NELL1: variants seen among roughly 807,000 people sequenced by gnomAD.
NELL1 encodes the protein protein kinase C-binding protein NELL1.
Under a neutral mutation model 107.4 loss-of-function variants are expected in NELL1, and 76 were observed. The observed-to-expected ratio is 0.71, with a 90% CI of 0.59 to 0.86. NELL1 has a LOEUF of 0.86. Ranked by LOEUF, NELL1 falls within the 40% of genes least tolerant of loss-of-function variation. The pLI, the probability that NELL1 is intolerant of heterozygous loss-of-function variation, is 0.00. For missense variants in NELL1, 1,024 were observed against 1,005.5 expected (o/e 1.02, Z -0.25); for synonymous variants, 353 against 341.2 (o/e 1.03, Z -0.38).
At chr11:21,151,509 T>C (rs1856117508) in intron 13 of NELL1, among the ~76,000 whole-genome samples, 1 of 152,178 alleles carries the variant, frequency 6.6e-6, no homozygotes, top group South Asian at 2.1e-4. Flanking sequence ...GTGTATCTTG[T>C]GGAGTACTTC....
chr11:21,175,932 T>C (rs1156467100), intron 13 of NELL1, among the ~76,000 whole-genome samples: 1 of 151,822 alleles, frequency 6.6e-6, no homozygotes, highest in East Asian at 1.9e-4. Flanking sequence ...CTAACCTAGA[T>C]GTCTGTGTTT....
intron 11 of NELL1, among the ~76,000 whole-genome samples, chr11:20,959,630 G>A (rs1358265222): frequency 6.6e-6 from 1 of 152,118 alleles, no homozygotes; most frequent in African/African-American, 2.4e-5. Context: ...GGATGCAAAG[G>A]CATAAGAATG....
chr11:21,264,370 C>A (rs1213306343), intron 14 of NELL1, among the ~76,000 whole-genome samples: 1 of 151,804 alleles, frequency 6.6e-6, no homozygotes, highest in Non-Finnish European at 1.5e-5. Context: ...TGTCATCCTG[C>A]ACAAGCCTTG....
At position 20,906,013 on chromosome 11, in the gene NELL1, G is replaced by T. The variant is rs528382610; in HGVS notation, c.604-12169G>T. On this transcript the variant is annotated intron_variant, in intron 5 of 19. Transcript: ENST00000357134. The stretch of plus-strand genomic sequence containing the variant: ...ATGATAAAACCATCAAAAGATAAAC[G>T]CAAAGAGAATCTTGAGAGCAGAAAG... Among the ~76,000 whole-genome samples, 9 of 152,144 alleles carry T rather than the reference G, an allele frequency of 5.9e-5. No individual in the cohort carries two copies. The East Asian group carries it at 1.7e-3, about 29-fold the overall frequency.
intron 2 of NELL1, among the ~76,000 whole-genome samples, chr11:20,766,055 T>C (rs974970073): frequency 2.1e-4 from 32 of 152,270 alleles, no homozygotes; most frequent in Middle Eastern, 3.4e-3. Context: ...ACGTAATCAG[T>C]TGTGACACAA....
rs1853793316 is a variant in NELL1 at position 21,458,013 on chromosome 11, A to G, written c.1646-76361A>G. On this transcript the variant is annotated intron_variant, in intron 15 of 19. Coordinates refer to ENST00000357134, the MANE Select transcript of NELL1 (RefSeq NM_006157.5). ...AAGACTAATTGAGATGACAATAGGA[A>G]GATCAGGTGATGGAGACCAAGGCCA... 6.2e-5 allele frequency among the ~76,000 whole-genome samples: 5 copies of G among 80,094 alleles called. No individual in the cohort carries two copies. The South Asian group carries it at 3.2e-3, about 51-fold the overall frequency. 52.5% of individuals were successfully genotyped at this position (80,094 alleles called of 152,430 possible). A position where few individuals can be genotyped will look rare whatever the true frequency, so the allele number is the denominator to read the frequency against.
intron 13 of NELL1, among the ~76,000 whole-genome samples, chr11:21,130,342 G>T (rs549793754): frequency 2.0e-5 from 3 of 152,272 alleles, no homozygotes; most frequent in African/African-American, 7.2e-5. Context: ...TAGAAGTCTG[G>T]CTATGGGATC....
rs946878665 is a variant in NELL1 at position 21,495,224 on chromosome 11, T to C, written c.1646-39150T>C. 9.9e-5 allele frequency among the ~76,000 whole-genome samples: 15 copies of C among 152,140 alleles called. 2 individuals are homozygous for C. The highest frequency in any genetic ancestry group is 9.2e-4 in the Admixed American group (14 of 15,254). The stretch of plus-strand genomic sequence containing the variant: ...CTTTCTGTCAGCATGGATTTGCCTA[T>C]TTTGAATATTTTATATTAATGAAAC... On this transcript the variant is annotated intron_variant, in intron 15 of 19. Coordinates refer to ENST00000357134, the MANE Select transcript of NELL1 (RefSeq NM_006157.5).
At chr11:21,506,610 T>C (rs943089757) in intron 15 of NELL1, among the ~76,000 whole-genome samples, 4 of 152,180 alleles carry the variant, frequency 2.6e-5, no homozygotes, top group African/African-American at 4.8e-5. Flanking sequence ...TGGTTTATGG[T>C]GGGAATAAAT....
At position 20,721,227 on chromosome 11, in the gene NELL1, ATTTTGTT is replaced by A. The variant is rs1366432016; in HGVS notation, c.184+43169_184+43175del. 4.3e-4 allele frequency among the ~76,000 whole-genome samples: 20 copies of A among 46,182 alleles called. No individual in the cohort carries two copies. In the East Asian group the frequency reaches 0.013, roughly 31 times the overall value. The allele number at this position is 46,182 out of a possible 152,430, so 30.3% of individuals were successfully genotyped here. ...ATATATATATTTTGTTTATATATAT[ATTTTGTT>A]TATATATATATATATTTATTTGTTT... On this transcript the variant is annotated intron_variant, in intron 2 of 19. Coordinates refer to ENST00000357134, the MANE Select transcript of NELL1 (RefSeq NM_006157.5).
chr11:21,496,000 G>A (rs1480965818), intron 15 of NELL1, among the ~76,000 whole-genome samples: 1 of 151,896 alleles, frequency 6.6e-6, no homozygotes, highest in Admixed American at 6.5e-5. Flanking sequence ...ACTTGTTATT[G>A]CTTTCTATTT....
chr11:21,476,045 A>T (rs968383187), intron 15 of NELL1, among the ~76,000 whole-genome samples: 3 of 152,096 alleles, frequency 2.0e-5, no homozygotes, highest in African/African-American at 7.2e-5. Flanking sequence ...ACAGTTAATT[A>T]CTCATAATTT....
intron 5 of NELL1, among the ~76,000 whole-genome samples, chr11:20,896,275 G>A (rs560963700): frequency 6.6e-6 from 1 of 152,128 alleles, no homozygotes; most frequent in East Asian, 1.9e-4. Flanking sequence ...TAGAATAATG[G>A]TCTCCAGTTT....
intron 14 of NELL1, among the ~76,000 whole-genome samples, chr11:21,318,232 TAAATC>T (rs1456620767): frequency 6.6e-6 from 1 of 152,182 alleles, no homozygotes; most frequent in Non-Finnish European, 1.5e-5. Flanking sequence ...TAAGGAAACA[TAAATC>T]AAGTCAAACC....
chr11:20,759,348 C>T (rs1030056635), intron 2 of NELL1, among the ~76,000 whole-genome samples: 5 of 152,126 alleles, frequency 3.3e-5, no homozygotes, highest in Non-Finnish European at 7.3e-5. Flanking sequence ...CCATGGTCCA[C>T]GTGGAAGAAG....
intron 2 of NELL1, among the ~76,000 whole-genome samples, chr11:20,710,127 C>T: frequency 6.6e-6 from 1 of 152,120 alleles, no homozygotes; most frequent in Admixed American, 6.5e-5. Context: ...TGTCTTGTTC[C>T]AGATCTCAGG....
chr11:21,317,280 G>T (rs1450303010), intron 14 of NELL1, among the ~76,000 whole-genome samples: 1 of 151,626 alleles, frequency 6.6e-6, no homozygotes, highest in South Asian at 2.1e-4. Context: ...TGAAGTAAAG[G>T]ACTGTTTCTA....
chr11:21,097,100 T>G (rs1187098451), intron 12 of NELL1, among the ~76,000 whole-genome samples: 3 of 152,044 alleles, frequency 2.0e-5, no homozygotes, highest in Non-Finnish European at 4.4e-5. Context: ...GTAGAATCTT[T>G]CAGCCCAAAG....
intron 16 of NELL1, among the ~76,000 whole-genome samples, chr11:21,558,162 C>T (rs565449647): frequency 6.6e-6 from 1 of 152,034 alleles, no homozygotes; most frequent in East Asian, 2.0e-4. Flanking sequence ...GATACCTCAC[C>T]TCATTCCCTA....
Sources: gnomAD v4.1 joint callset for allele counts (sites outside exome capture counted in the v4.1 genomes callset) on GRCh38, gnomAD v4.1.1 for gene constraint, MANE v1.5 for transcripts, NCBI Gene and HGNC (gene_info 2026-07-23, HGNC 2026-07-21) for gene names.